The following SEZ6 variants were observed in gnomAD, a reference collection of about 807,000 sequenced individuals.
The protein encoded by SEZ6 is seizure related 6 homolog.
In SEZ6, 53 loss-of-function variants were observed where a neutral mutation model predicts 101.0. The ratio of observed to expected loss-of-function variants is 0.52; its 90% CI spans 0.42 to 0.66. The LOEUF is 0.66. SEZ6 is among the 30% of genes least tolerant of loss of function. The pLI, the probability that SEZ6 is intolerant of heterozygous loss-of-function variation, is 0.00. For missense variants in SEZ6, 1,102 were observed against 1,289.4 expected (o/e 0.85, Z 2.23); for synonymous variants, 488 against 512.2 (o/e 0.95, Z 0.64).
intron 1 of SEZ6, among the ~76,000 whole-genome samples, chr17:28,990,842 C>G (rs2041447006): frequency 6.6e-6 from 1 of 152,084 alleles, no homozygotes; most frequent in South Asian, 2.1e-4. Flanking sequence ...AAAACCCTAG[C>G]CTCCAAATAT....
intron 10 of SEZ6, 131 bp from the exon 11 acceptor site, chr17:28,958,272 C>T (rs2040916708): frequency 2.9e-6 from 3 of 1,023,906 alleles, no homozygotes; most frequent in Non-Finnish European, 4.1e-6. Flanking sequence ...CTCAGGGATC[C>T]ATTCCTCCCT....
intron 2 of SEZ6, among the ~76,000 whole-genome samples, chr17:28,980,534 T>C (rs2041285676): frequency 6.6e-6 from 1 of 151,876 alleles, no homozygotes; most frequent in Non-Finnish European, 1.5e-5. Flanking sequence ...TACGCCCGGC[T>C]AATTTTTTGT....
At chr17:28,986,992 C>T (rs1009402224) in intron 1 of SEZ6, among the ~76,000 whole-genome samples, 11 of 152,130 alleles carry the variant, frequency 7.2e-5, no homozygotes, top group Non-Finnish European at 5.9e-5. Flanking sequence ...AGTTCTGGGA[C>T]GAGTTCAGGC....
chr17:28,998,633 C>A (rs971713805), intron 1 of SEZ6, among the ~76,000 whole-genome samples: 1 of 152,078 alleles, frequency 6.6e-6, no homozygotes, highest in South Asian at 2.1e-4. Flanking sequence ...AACCAGAAGT[C>A]CCCCCTACCC....
Position 29,005,732 on chromosome 17 carries a change from G to T in SEZ6, c.55+83C>A. On this transcript the variant is annotated intron_variant, in intron 1 of 16. Coordinates refer to ENST00000317338, the MANE Select transcript of SEZ6 (RefSeq NM_178860.5). This position sits in a 1 kb window ranked among gnomAD's most constrained non-coding sequence, Gnocchi z 4.8. ...GCTTGGACTGGGCAGCCAGATGCCCGAAGCTGGGCACCGGGTCTCCCTTCC... is the reference window on the plus strand; with the variant it reads ...GCTTGGACTGGGCAGCCAGATGCCCTAAGCTGGGCACCGGGTCTCCCTTCC... 1 of 1,375,706 alleles carries T rather than the reference G, an allele frequency of 7.3e-7. No individual in the cohort carries two copies. Among genetic ancestry groups the T allele is most frequent in the Non-Finnish European group, 9.6e-7 (1 of 1,038,024 alleles). The allele number at this position is 1,375,706 out of a possible 1,614,324, so 85.2% of individuals were successfully genotyped here.
chr17:28,975,937 C>T (rs1192224314), intron 3 of SEZ6, among the ~76,000 whole-genome samples: 2 of 152,334 alleles, frequency 1.3e-5, no homozygotes, highest in Middle Eastern at 3.4e-3. Flanking sequence ...GCGCCAGGCC[C>T]GGAAAGGCCT....
At chr17:28,958,211 G>T in intron 10 of SEZ6, 70 bp from the exon 11 acceptor site, 1 of 1,518,130 alleles carries the variant, frequency 6.6e-7, no homozygotes. Flanking sequence ...TCACCTTGAG[G>T]GCACTCTGGC....
In SEZ6 at chr17:28,957,497, C is replaced by A; in HGVS notation, c.2345G>T (p.Arg782Leu). 2 of 1,613,896 alleles carry A rather than the reference C, an allele frequency of 1.2e-6. No homozygotes were observed. The highest frequency in any genetic ancestry group is 1.7e-6 in the Non-Finnish European group (2 of 1,179,854). The change falls in exon 12 of 17, where the codon CGC (arginine) becomes CTC (leucine). Residue 782 changes from arginine (R) to leucine (L), a missense_variant. By Grantham distance (102) the Arg-to-Leu change is moderately radical (BLOSUM62 -2). Around this residue, in one of 3 missense-constraint regions of SEZ6, gnomAD observed 556 missense variants for 735.1 expected, o/e 0.76. Coordinates refer to ENST00000317338, the MANE Select transcript of SEZ6 (RefSeq NM_178860.5). ...GGGAAACTTGGGGCTGGATATGAGGCGTCGGCTGTGCTCCACATCTCCAGG... is the reference window on the plus strand; with the variant it reads ...GGGAAACTTGGGGCTGGATATGAGGAGTCGGCTGTGCTCCACATCTCCAGG... Reference protein sequence around the residue: ...HDPGDVEHSRRLISSPKFPVG... With the variant: ...HDPGDVEHSRLLISSPKFPVG...
intron 7 of SEZ6, 136 bp downstream of exon 7, chr17:28,960,369 G>A: frequency 1.7e-6 from 2 of 1,188,004 alleles, no homozygotes; most frequent in Non-Finnish European, 2.4e-6. Flanking sequence ...GGGGGCCTAA[G>A]TACTGAGTGA....
intron 1 of SEZ6, among the ~76,000 whole-genome samples, chr17:28,998,786 CA>C (rs1393175309): frequency 6.6e-6 from 1 of 152,140 alleles, no homozygotes; most frequent in African/African-American, 2.4e-5. Context: ...CCAGGGACCC[CA>C]GAGGCTTGCT....
At chr17:28,990,345 C>A (rs1234831702) in intron 1 of SEZ6, among the ~76,000 whole-genome samples, 1 of 152,094 alleles carries the variant, frequency 6.6e-6, no homozygotes, top group Non-Finnish European at 1.5e-5. Context: ...CTTGCTGCAG[C>A]CTTGACCTCC....
chr17:28,963,077 T>C (rs2041008892), intron 5 of SEZ6, among the ~76,000 whole-genome samples: 2 of 147,660 alleles, frequency 1.4e-5, no homozygotes, highest in South Asian at 2.1e-4. Flanking sequence ...TGAGCCGAGA[T>C]AGCGCCACTG....
At chr17:28,986,769 G>A (rs951644051) in intron 1 of SEZ6, among the ~76,000 whole-genome samples, 5 of 152,222 alleles carry the variant, frequency 3.3e-5, no homozygotes, top group Non-Finnish European at 7.3e-5. Flanking sequence ...TGACCTGGGC[G>A]GGGGCTGCCC....
chr17:29,005,911 G>T lies in SEZ6; in HGVS notation c.-42C>A. The T allele has an allele frequency of 7.1e-7, 1 of 1,403,060 alleles. No homozygotes were observed. The highest frequency in any genetic ancestry group is 9.3e-7 in the Non-Finnish European group (1 of 1,072,544). The allele number at this position is 1,403,060 out of a possible 1,614,324, so 86.9% of individuals were successfully genotyped here. A position where few individuals can be genotyped will look rare whatever the true frequency, so the allele number is the denominator to read the frequency against. On this transcript the variant is annotated 5_prime_UTR_variant, in exon 1 of 17. Coordinates refer to ENST00000317338, the MANE Select transcript of SEZ6 (RefSeq NM_178860.5). This position sits in a 1 kb window ranked among gnomAD's most constrained non-coding sequence, Gnocchi z 4.8. ...GCGCCCTGGGCTGGGACCGCGGCGG[G>T]AGGGCGGGGGGCTTGGTGGGGCTTG...
In SEZ6 at chr17:28,964,128, G is replaced by A. The variant is rs754116488; in HGVS notation, c.1074C>T (p.His358=). ...CTCCATAAGCTGGACGACGGGGAAA[G>A]TGGCAGCTCAGGAGATAGGCTGCAA... ...FHYQAYLLSC[H]FPRRPAYGDV... is the part of the protein sequence containing the mutation. The change falls in exon 5 of 17, where the codon CAC becomes CAT. Residue 358 remains histidine (H), a synonymous_variant. Coordinates refer to ENST00000317338, the MANE Select transcript of SEZ6 (RefSeq NM_178860.5). 17 of 1,594,356 alleles carry A rather than the reference G, an allele frequency of 1.1e-5. No individual in the cohort carries two copies. The highest frequency in any genetic ancestry group is 1.8e-5 in the Admixed American group (1 of 56,998).
rs1254462381 is a variant in SEZ6, at chr17:28,959,393, C to T, written c.1851G>A (p.Gln617=). The T allele has an allele frequency of 6.2e-7, 1 of 1,613,966 alleles. No homozygotes were observed. Among genetic ancestry groups the T allele is most frequent in the East Asian group, 2.2e-5 (1 of 44,872 alleles). Residue 617 remains glutamine (Q), a synonymous_variant, in exon 9 of 17, where the codon CAG becomes CAA. Coordinates refer to ENST00000317338, the MANE Select transcript of SEZ6 (RefSeq NM_178860.5). The surrounding 1 kb of genome is among the most constrained non-coding windows in gnomAD (Gnocchi z 4.4). ...CCACATGCACACCCCAGATACAATC[C>T]TGCCCACGACCGTAGGGCTCTGGCC... ...PNWPEPYGRG[Q]DCIWGVHVEE... is the part of the protein sequence containing the mutation.
Position 28,959,667 on chromosome 17 carries a change from C to T in SEZ6, c.1771+31G>A. ...CTCCTGGTATGACCCTGCCTTTTGCCCGGTAGGCCCATCCACTGGTGTCTA... is the reference window on the plus strand; with the variant it reads ...CTCCTGGTATGACCCTGCCTTTTGCTCGGTAGGCCCATCCACTGGTGTCTA... On this transcript the variant is annotated intron_variant, in intron 8 of 16. Transcript: ENST00000317338. The surrounding 1 kb of genome is among the most constrained non-coding windows in gnomAD (Gnocchi z 4.4). 1 of 1,553,076 alleles carries T rather than the reference C, an allele frequency of 6.4e-7. No individual in the cohort carries two copies.
intron 1 of SEZ6, among the ~76,000 whole-genome samples, chr17:28,997,869 A>G (rs549876628): frequency 3.3e-5 from 5 of 152,258 alleles, no homozygotes; most frequent in Non-Finnish European, 7.4e-5. Context: ...TGACTCCCTG[A>G]CCAGCCTTCT....
At chr17:28,992,166 G>A (rs1026004995) in intron 1 of SEZ6, among the ~76,000 whole-genome samples, 9 of 152,320 alleles carry the variant, frequency 5.9e-5, no homozygotes, top group Admixed American at 5.9e-4. Context: ...CACCTAGAGT[G>A]GCAGCCCTTT....
Sources: gnomAD v4.1 joint callset for allele counts (sites outside exome capture counted in the v4.1 genomes callset) on GRCh38, gnomAD v4.1.1 for gene constraint, gnomAD v4.1.1 regional missense constraint, Gnocchi (gnomAD v3.1) non-coding constraint, MANE v1.5 for transcripts, NCBI Gene and HGNC (gene_info 2026-07-23, HGNC 2026-07-21) for gene names.